The following CDH18 variants were observed in gnomAD, a reference collection of about 807,000 sequenced individuals.
The protein encoded by CDH18 is cadherin-18.
A neutral mutation model predicts 67.9 loss-of-function variants in CDH18; 31 were observed. The observed-to-expected ratio is 0.46, with a 90% CI of 0.34 to 0.62. CDH18 has a LOEUF of 0.62. Among genes scored for constraint, CDH18 ranks in the 20% least tolerant of loss-of-function variants. CDH18 has a pLI of 0.01. For missense variants in CDH18, 890 were observed against 975.5 expected (o/e 0.91, Z 1.17); for synonymous variants, 362 against 347.2 (o/e 1.04, Z -0.48).
chr5:20,568,832 A>C (rs1561140001), intron 1 of CDH18, among the ~76,000 whole-genome samples: 2 of 152,164 alleles, frequency 1.3e-5, no homozygotes, highest in African/African-American at 2.4e-5. Context: ...TTTGTGAGCA[A>C]GCTAGTCCAA....
At chr5:19,521,972 C>G (rs1445202018) in intron 9 of CDH18, among the ~76,000 whole-genome samples, 1 of 152,038 alleles carries the variant, frequency 6.6e-6, no homozygotes, top group African/African-American at 2.4e-5. Context: ...ACTCACGACA[C>G]ATATTAAGTG....
chr5:19,812,691 T>C (rs1561355404), intron 3 of CDH18, among the ~76,000 whole-genome samples: 1 of 152,108 alleles, frequency 6.6e-6, no homozygotes, highest in Non-Finnish European at 1.5e-5. Flanking sequence ...CATTAAAAAT[T>C]ACAGTAGAAA....
chr5:20,397,216 C>T (rs904132741), intron 1 of CDH18, among the ~76,000 whole-genome samples: 1 of 151,994 alleles, frequency 6.6e-6, no homozygotes, highest in African/African-American at 2.4e-5. Flanking sequence ...CGGCAACATC[C>T]GCCTCCTGGG....
chr5:19,866,709 C>T (rs114470554), intron 2 of CDH18, among the ~76,000 whole-genome samples: 90 of 152,264 alleles, frequency 5.9e-4, no homozygotes, highest in African/African-American at 2.1e-3. Flanking sequence ...ATTAATATCT[C>T]CTCTTTCCGC....
chr5:19,548,160 T>C (rs560510419), intron 8 of CDH18, among the ~76,000 whole-genome samples: 91 of 152,274 alleles, frequency 6.0e-4, no homozygotes, highest in South Asian at 1.4e-3. Flanking sequence ...AATGTATATA[T>C]CAATATTTAG....
chr5:19,717,541 T>C (rs948889878), intron 5 of CDH18, among the ~76,000 whole-genome samples: 1 of 152,176 alleles, frequency 6.6e-6, no homozygotes, highest in Admixed American at 6.5e-5. Context: ...AGTCACCACC[T>C]GACAAAAATT....
At chr5:19,900,541 A>G (rs1423544495) in intron 2 of CDH18, among the ~76,000 whole-genome samples, 1 of 152,190 alleles carries the variant, frequency 6.6e-6, no homozygotes, top group African/African-American at 2.4e-5. Flanking sequence ...TACATGTATT[A>G]AAACATCATC....
intron 3 of CDH18, among the ~76,000 whole-genome samples, chr5:19,778,672 A>G (rs1774697033): frequency 6.6e-6 from 1 of 152,186 alleles, no homozygotes; most frequent in African/African-American, 2.4e-5. Context: ...GACTCTTCTT[A>G]TTGTGCAAAG....
intron 5 of CDH18, among the ~76,000 whole-genome samples, chr5:19,682,766 C>T (rs1487460065): frequency 6.6e-6 from 1 of 151,998 alleles, no homozygotes; most frequent in Non-Finnish European, 1.5e-5. Context: ...AAAAGCAAGG[C>T]ATTGATTGAT....
intron 2 of CDH18, among the ~76,000 whole-genome samples, chr5:20,172,210 A>ATATATATATG (rs1554098734): frequency 3.0e-5 from 2 of 67,470 alleles, no homozygotes; most frequent in Non-Finnish European, 5.4e-5. Flanking sequence ...ATATATATAT[A>ATATATATATG]TATATATATA....
chr5:19,713,672 A>G (rs1300371536), intron 5 of CDH18, among the ~76,000 whole-genome samples: 1 of 152,132 alleles, frequency 6.6e-6, no homozygotes, highest in African/African-American at 2.4e-5. Flanking sequence ...TTTGTTTTGG[A>G]AATACAATTA....
intron 3 of CDH18, among the ~76,000 whole-genome samples, chr5:19,768,971 A>G (rs771100063): frequency 2.0e-5 from 3 of 152,114 alleles, no homozygotes; most frequent in Non-Finnish European, 4.4e-5. Context: ...AGAAGGCAGA[A>G]GAAAGAAACA....
At chr5:20,330,655 G>A (rs1452604920) in intron 1 of CDH18, among the ~76,000 whole-genome samples, 4 of 152,148 alleles carry the variant, frequency 2.6e-5, no homozygotes, top group African/African-American at 9.7e-5. Context: ...TAAACACACT[G>A]CGCATGTGGC....
intron 1 of CDH18, among the ~76,000 whole-genome samples, chr5:20,430,513 A>C (rs1214723267): frequency 6.6e-6 from 1 of 152,210 alleles, no homozygotes; most frequent in Non-Finnish European, 1.5e-5. Flanking sequence ...ATGACCTTGG[A>C]AAGTTGCTTA....
chr5:19,481,923 C>A (rs1249913100), intron 12 of CDH18, among the ~76,000 whole-genome samples: 1 of 152,116 alleles, frequency 6.6e-6, no homozygotes, highest in Non-Finnish European at 1.5e-5. Flanking sequence ...TTCCTTACAT[C>A]CATCTTTCTT....
At chr5:20,178,115 C>T (rs1037168784) in intron 2 of CDH18, among the ~76,000 whole-genome samples, 3 of 152,070 alleles carry the variant, frequency 2.0e-5, no homozygotes, top group East Asian at 3.9e-4. Flanking sequence ...GGAACTCCTC[C>T]TGTCTGAATG....
chr5:19,921,182 T>C (rs1792406163), intron 2 of CDH18, among the ~76,000 whole-genome samples: 1 of 152,050 alleles, frequency 6.6e-6, no homozygotes. Context: ...GAACTGGATG[T>C]GACAAATTAA....
Position 20,280,088 on chromosome 5 carries a change from TCAAA to T in CDH18, c.-579-24587_-579-24584del, listed in dbSNP as rs543304706. The stretch of plus-strand genomic sequence containing the variant: ...AGGAATTTTGGAAACTACTCATACC[TCAAA>T]CAATTTACAGATTCAATGCAATCTC... On this transcript the variant is annotated intron_variant, in intron 1 of 14. Coordinates refer to the CDH18 transcript ENST00000507958. 2.1e-3 allele frequency among the ~76,000 whole-genome samples: 314 copies of T among 152,224 alleles called. 1 individual carries two copies. Among genetic ancestry groups the T allele is most frequent in the African/African-American group, 7.0e-3 (293 of 41,566 alleles).
At chr5:20,067,131 G>T (rs1374365297) in intron 2 of CDH18, among the ~76,000 whole-genome samples, 1 of 151,824 alleles carries the variant, frequency 6.6e-6, no homozygotes, top group African/African-American at 2.4e-5. Flanking sequence ...ATGTAGGGAA[G>T]GATGTATGTG....
Sources: allele counts gnomAD v4.1 joint callset (sites outside exome capture counted in the v4.1 genomes callset), GRCh38; gene constraint gnomAD v4.1.1; transcripts MANE v1.5; gene names NCBI Gene and HGNC (gene_info 2026-07-23, HGNC 2026-07-21).